ARF3: variants seen among roughly 807,000 people sequenced by gnomAD.
ARF3 encodes the protein ADP-ribosylation factor 3.
In ARF3, 5 loss-of-function variants were observed where a neutral mutation model predicts 19.3. The ratio of observed to expected loss-of-function variants is 0.26; its 90% CI spans 0.14 to 0.54. The LOEUF (loss-of-function observed/expected upper bound fraction) is 0.54, where lower values mean the gene tolerates loss of function less well. Among genes scored for constraint, ARF3 ranks in the 20% least tolerant of loss-of-function variants. The pLI is 0.95. For synonymous variants in ARF3, 71 were observed against 89.2 expected (o/e 0.80, Z 1.15); for missense variants, 77 against 234.2 (o/e 0.33, Z 4.38).
At position 48,949,787 on chromosome 12, in the gene ARF3, C is replaced by CA. The variant is rs1250487606; in HGVS notation, c.-94+7522_-94+7523insT. Among the ~76,000 whole-genome samples, 9 of 152,210 alleles carry CA rather than the reference C, an allele frequency of 5.9e-5. No homozygotes were observed. The East Asian group carries it at 1.7e-3, about 30-fold the overall frequency. On this transcript the variant is annotated intron_variant, in intron 1 of 4. Transcript: ENST00000256682. ...CTCGAACTCCTGACCTCAAGCAGTC[C>CA]TCCCACCTCAGCCTCCCAAAGTACT...
At chr12:48,955,594 C>T (rs9783452) in intron 1 of ARF3, 49,552 of 152,106 alleles carry the variant, frequency 0.33, 9,126 homozygotes, top group Admixed American at 0.47. Flanking sequence ...CCAGGCACTT[C>T]TGCTGACAGC....
intron 1 of ARF3, among the ~76,000 whole-genome samples, chr12:48,953,650 A>G (rs1940507728): frequency 6.6e-6 from 1 of 152,176 alleles, no homozygotes; most frequent in South Asian, 2.1e-4. Flanking sequence ...TGGATCTCTA[A>G]CATTCTGAGC....
At chr12:48,955,702 A>T (rs1940551238) in intron 1 of ARF3, 1 of 152,206 alleles carries the variant, frequency 6.6e-6, no homozygotes, top group African/African-American at 2.4e-5. Context: ...TACTGTTTGC[A>T]TGGGCATTGT....
rs533250688 is a variant in ARF3, at chr12:48,950,352, C to G, written c.-94+6958G>C. Among the ~76,000 whole-genome samples, 16 of 152,210 alleles carry G rather than the reference C, an allele frequency of 1.1e-4. 1 individual carries two copies. The East Asian group carries it at 2.9e-3, about 28-fold the overall frequency. On this transcript the variant is annotated intron_variant, in intron 1 of 4. Coordinates refer to ENST00000256682, the MANE Select transcript of ARF3 (RefSeq NM_001659.3). The stretch of plus-strand genomic sequence containing the variant: ...CTGGGACTACAGGCATGCACCACCA[C>G]GCCTGGCTAATTTTTGTTTAACTGA...
intron 1 of ARF3, among the ~76,000 whole-genome samples, chr12:48,953,496 G>A (rs2137596888): frequency 6.6e-6 from 1 of 152,242 alleles, no homozygotes; most frequent in African/African-American, 2.4e-5. Flanking sequence ...TGAAGTTTAA[G>A]CATTCACGCT....
rs913378897 is a variant in ARF3, at chr12:48,938,585, G to A, written c.*362C>T. On this transcript the variant is annotated 3_prime_UTR_variant, in exon 5 of 5. Coordinates refer to ENST00000256682, the MANE Select transcript of ARF3 (RefSeq NM_001659.3). The stretch of plus-strand genomic sequence containing the variant: ...GGGAGTAGAAGGGCTTGTGGGGACA[G>A]GGAAAGGACTCAGATGCCAAGAGGA... 2 of 457,668 alleles carry A rather than the reference G, an allele frequency of 4.4e-6. No individual in the cohort carries two copies. Among genetic ancestry groups the A allele is most frequent in the Non-Finnish European group, 8.8e-6 (2 of 228,510 alleles). The allele number at this position is 457,668 out of a possible 1,614,324, so 28.4% of individuals were successfully genotyped here.
intron 1 of ARF3, among the ~76,000 whole-genome samples, chr12:48,946,112 C>CT: frequency 6.6e-6 from 1 of 152,276 alleles, no homozygotes; most frequent in Non-Finnish European, 1.5e-5. Flanking sequence ...CATGACTTTT[C>CT]TTTAAGTATA....
At position 48,941,171 on chromosome 12, in the gene ARF3, G is replaced by C; in HGVS notation, c.-76C>G. On this transcript the variant is annotated 5_prime_UTR_variant, in exon 2 of 5. Transcript: ENST00000256682. The stretch of plus-strand genomic sequence containing the variant: ...GCAGTCTGGTTTTGGCCTGGTCCCT[G>C]GTATGGAAGACTTGATCCTAGACAA... 1 of 1,460,708 alleles carries C rather than the reference G, an allele frequency of 6.8e-7. No homozygotes were observed. 90.5% of individuals were successfully genotyped at this position (1,460,708 alleles called of 1,614,324 possible).
At chr12:48,950,618 C>G (rs10747558) in intron 1 of ARF3, among the ~76,000 whole-genome samples, 49,673 of 151,990 alleles carry the variant, frequency 0.33, 9,140 homozygotes, top group Admixed American at 0.47. Context: ...TTCATCACCT[C>G]AACTTTTTAA....
At chr12:48,948,724 T>C (rs1946863873) in intron 1 of ARF3, among the ~76,000 whole-genome samples, 1 of 151,960 alleles carries the variant, frequency 6.6e-6, no homozygotes, top group South Asian at 2.1e-4. Context: ...GGCAGGAGAA[T>C]TGCTTGAACC....
chr12:48,941,934 G>A (rs1046614203), intron 1 of ARF3, among the ~76,000 whole-genome samples: 15 of 152,186 alleles, frequency 9.9e-5, no homozygotes, highest in Admixed American at 9.8e-4. Context: ...CATCCAAGGA[G>A]GGGGCTGTCC....
Position 48,939,133 on chromosome 12 carries a change from AAAG to A in ARF3, c.385-28_385-26del. ...CCTGGAGCACGTGGGAGACACATAA[AAAG>A]AAGCCTCAGGATTTTTTAAAGGCTT... On this transcript the variant is annotated intron_variant, in intron 4 of 4. Transcript: ENST00000256682. This position sits in a 1 kb window ranked among gnomAD's most constrained non-coding sequence, Gnocchi z 4.8. 6.2e-7 allele frequency: 1 copy of A among 1,601,682 alleles called. No homozygotes were observed. Among genetic ancestry groups the A allele is most frequent in the Non-Finnish European group, 8.5e-7 (1 of 1,171,798 alleles).
In ARF3 at chr12:48,951,444, C is replaced by T. The variant is rs543052835; in HGVS notation, c.-94+5866G>A. On this transcript the variant is annotated intron_variant, in intron 1 of 4. Coordinates refer to ENST00000256682, the MANE Select transcript of ARF3 (RefSeq NM_001659.3). ...GCATGGTGGGGCATTCCTGTAATCC[C>T]GGCTACTCAGGAGGCAAGACTGGAG... Among the ~76,000 whole-genome samples the T allele has an allele frequency of 3.7e-4, 56 of 151,996 alleles. 1 individual carries two copies. The highest frequency in any genetic ancestry group is 1.2e-3 in the African/African-American group (50 of 41,444).
intron 1 of ARF3, among the ~76,000 whole-genome samples, chr12:48,947,050 TAA>T (rs1409565175): frequency 2.6e-5 from 4 of 152,172 alleles, no homozygotes; most frequent in Non-Finnish European, 4.4e-5. Flanking sequence ...GAAATATCAC[TAA>T]GAGATGCTAT....
intron 1 of ARF3, among the ~76,000 whole-genome samples, chr12:48,944,881 G>A (rs956507074): frequency 6.6e-6 from 1 of 152,228 alleles, no homozygotes; most frequent in Non-Finnish European, 1.5e-5. Context: ...CAGGCATGGT[G>A]GCTCATGCCT....
Position 48,938,495 on chromosome 12 carries a change from AAC to A in ARF3, c.*450_*451del, listed in dbSNP as rs1244082504. On this transcript the variant is annotated 3_prime_UTR_variant, in exon 5 of 5. Coordinates refer to ENST00000256682, the MANE Select transcript of ARF3 (RefSeq NM_001659.3). ...ATATACAGGCGCACACATGCACGCA[AAC>A]ACAGAGAGGCCCGTGCAATTTCCAT... The A allele has an allele frequency of 8.9e-6, 4 of 451,442 alleles. No individual in the cohort carries two copies. The highest frequency in any genetic ancestry group is 1.8e-5 in the Non-Finnish European group (4 of 223,658). 28.0% of individuals were successfully genotyped at this position (451,442 alleles called of 1,614,324 possible).
At position 48,938,076 on chromosome 12, in the gene ARF3, A is replaced by G. The variant is rs988504131; in HGVS notation, c.*871T>C. Reference sequence around the variant, plus strand: ...GATGGTGGGGAAGGATCAGTTGAACACTCTAAGCTGATAAGAGTGAGTGGG... The same window carrying G: ...GATGGTGGGGAAGGATCAGTTGAACGCTCTAAGCTGATAAGAGTGAGTGGG... On this transcript the variant is annotated 3_prime_UTR_variant, in exon 5 of 5. Coordinates refer to ENST00000256682, the MANE Select transcript of ARF3 (RefSeq NM_001659.3). 3.5e-5 allele frequency: 8 copies of G among 226,318 alleles called. No individual in the cohort carries two copies. The highest frequency in any genetic ancestry group is 6.4e-5 in the Non-Finnish European group (7 of 109,746). The allele number at this position is 226,318 out of a possible 1,614,324, so 14.0% of individuals were successfully genotyped here. A position where few individuals can be genotyped will look rare whatever the true frequency, so the allele number is the denominator to read the frequency against.
chr12:48,945,483 C>A (rs892223167), intron 1 of ARF3, among the ~76,000 whole-genome samples: 5 of 151,966 alleles, frequency 3.3e-5, no homozygotes, highest in African/African-American at 9.7e-5. Flanking sequence ...ATTGCTGGAA[C>A]CTGGGAGGTG....
rs1168052567 is a variant in ARF3, at chr12:48,940,864, G to C, written c.148+84C>G. 3 of 1,455,312 alleles carry C rather than the reference G, an allele frequency of 2.1e-6. No individual in the cohort carries two copies. In the African/African-American group the frequency reaches 4.3e-5, roughly 21 times the overall value. 90.1% of individuals were successfully genotyped at this position (1,455,312 alleles called of 1,614,324 possible). A position where few individuals can be genotyped will look rare whatever the true frequency, so the allele number is the denominator to read the frequency against. On this transcript the variant is annotated intron_variant, in intron 2 of 4. Coordinates refer to ENST00000256682, the MANE Select transcript of ARF3 (RefSeq NM_001659.3). The stretch of plus-strand genomic sequence containing the variant: ...ATTGTATGGACTTGCCTGGGGAGAA[G>C]AGGCCAGGTTGGGGAACCAGGAATA...
Sources: gnomAD v4.1 joint callset for allele counts (sites outside exome capture counted in the v4.1 genomes callset) on GRCh38, gnomAD v4.1.1 for gene constraint, Gnocchi (gnomAD v3.1) non-coding constraint, MANE v1.5 for transcripts, NCBI Gene and HGNC (gene_info 2026-07-23, HGNC 2026-07-21) for gene names.